Variants in DLGAP2 observed in about 807,000 individuals in gnomAD.
The protein encoded by DLGAP2 is DLG associated protein 2.
In DLGAP2, 26 loss-of-function variants were observed where a neutral mutation model predicts 100.3. The observed-to-expected ratio is 0.26, with a 90% CI of 0.19 to 0.36. DLGAP2 has a LOEUF of 0.36. Ranked by LOEUF, DLGAP2 falls within the 10% of genes least tolerant of loss-of-function variation. The pLI is 1.00. For synonymous variants in DLGAP2, 886 were observed against 630.1 expected (o/e 1.41, Z -6.08); for missense variants, 1,858 against 1,453.2 (o/e 1.28, Z -4.53).
At chr8:1,477,017 A>G (rs1798952290) in intron 3 of DLGAP2, among the ~76,000 whole-genome samples, 1 of 148,514 alleles carries the variant, frequency 6.7e-6, no homozygotes, top group Non-Finnish European at 1.5e-5. Flanking sequence ...ACACCTGTGA[A>G]GACAGGTTTA....
chr8:1,185,321 A>T (rs139054859), intron 2 of DLGAP2, among the ~76,000 whole-genome samples: 30 of 152,140 alleles, frequency 2.0e-4, no homozygotes, highest in Non-Finnish European at 3.4e-4. Flanking sequence ...GGGCTGAGTG[A>T]CACCATCATT....
At chr8:1,563,039 G>A (rs376826193) in intron 5 of DLGAP2, among the ~76,000 whole-genome samples, 29 of 42,546 alleles carry the variant, frequency 6.8e-4, no homozygotes, top group African/African-American at 2.9e-3. Context: ...TGGGGTGTCC[G>A]CGCCTCGTTA....
intron 2 of DLGAP2, among the ~76,000 whole-genome samples, chr8:1,076,737 G>A (rs1803624793): frequency 6.6e-6 from 1 of 152,188 alleles, no homozygotes; most frequent in African/African-American, 2.4e-5. Context: ...ATAACACAGG[G>A]CCTCACACCA....
intron 1 of DLGAP2, among the ~76,000 whole-genome samples, chr8:852,768 C>G (rs1353321351): frequency 6.6e-6 from 1 of 152,184 alleles, no homozygotes; most frequent in African/African-American, 2.4e-5. Flanking sequence ...GCGAGTGTTT[C>G]CTTGGGAAAT....
chr8:933,086 T>A (rs778875249), intron 2 of DLGAP2, among the ~76,000 whole-genome samples: 12 of 152,240 alleles, frequency 7.9e-5, no homozygotes, highest in Non-Finnish European at 1.6e-4. Context: ...TCCGATCCTG[T>A]CCCCGTCCGT....
chr8:985,380 T>C (rs1279118152), intron 2 of DLGAP2, among the ~76,000 whole-genome samples: 2 of 152,222 alleles, frequency 1.3e-5, no homozygotes, highest in Admixed American at 6.5e-5. Flanking sequence ...TCCTCAGAAC[T>C]GTGATTTCCA....
rs1309339117 is a variant in DLGAP2 at position 1,704,163 on chromosome 8, A to G, written c.*2757A>G. The G allele has an allele frequency of 2.6e-5, 4 of 152,650 alleles. 1 individual carries two copies. Among genetic ancestry groups the G allele is most frequent in the East Asian group, 1.9e-4 (1 of 5,198 alleles). 9.5% of individuals were successfully genotyped at this position (152,650 alleles called of 1,614,324 possible). On this transcript the variant is annotated 3_prime_UTR_variant, in exon 15 of 15. Coordinates refer to ENST00000637795, the MANE Select transcript of DLGAP2 (RefSeq NM_001346810.2). ...TCAGCCACTTCTAGCAGATCATGCC[A>G]TGGAGCTCACGACGTGTGACCATTT... is the stretch of plus-strand genomic sequence containing the variant.
intron 3 of DLGAP2, among the ~76,000 whole-genome samples, chr8:1,473,993 A>G (rs932595786): frequency 1.3e-5 from 2 of 152,188 alleles, no homozygotes; most frequent in African/African-American, 4.8e-5. Flanking sequence ...AGACTAATAC[A>G]TGAGCAGTGT....
chr8:859,257 G>A (rs1005104102), intron 1 of DLGAP2, among the ~76,000 whole-genome samples: 19 of 152,132 alleles, frequency 1.2e-4, no homozygotes, highest in Admixed American at 6.5e-4. Context: ...GATCACAGGC[G>A]CACGCCACGA....
At chr8:1,089,116 ACT>A (rs1187214611) in intron 2 of DLGAP2, among the ~76,000 whole-genome samples, 1 of 117,142 alleles carries the variant, frequency 8.5e-6, no homozygotes, top group African/African-American at 3.5e-5. Flanking sequence ...CCCCGGCCTC[ACT>A]CTCTCCACCC....
At chr8:1,304,411 A>G (rs1265375096) in intron 3 of DLGAP2, among the ~76,000 whole-genome samples, 1 of 152,240 alleles carries the variant, frequency 6.6e-6, no homozygotes, top group African/African-American at 2.4e-5. Flanking sequence ...GTATGCAGAA[A>G]GTTGTACATG....
intron 3 of DLGAP2, among the ~76,000 whole-genome samples, chr8:1,318,084 AGC>A (rs1220454619): frequency 5.1e-5 from 3 of 58,796 alleles, no homozygotes; most frequent in Non-Finnish European, 9.7e-5. Flanking sequence ...TTAAAAATAG[AGC>A]GTGTGCGAGT....
At chr8:1,352,069 G>A (rs1452596771) in intron 3 of DLGAP2, among the ~76,000 whole-genome samples, 2 of 79,608 alleles carry the variant, frequency 2.5e-5, no homozygotes, top group African/African-American at 3.9e-5. Context: ...TGGAACGGCC[G>A]TGCGGGTCCT....
intron 2 of DLGAP2, among the ~76,000 whole-genome samples, chr8:941,934 G>A (rs944291076): frequency 1.3e-4 from 20 of 152,184 alleles, no homozygotes; most frequent in African/African-American, 4.6e-4. Context: ...GGAGGTTTTG[G>A]CTGGGAAGCG....
chr8:1,335,375 C>A (rs1270961362), intron 3 of DLGAP2, among the ~76,000 whole-genome samples: 1 of 152,180 alleles, frequency 6.6e-6, no homozygotes, highest in Non-Finnish European at 1.5e-5. Context: ...CACTCTAAGA[C>A]AGTCCTGTTC....
At chr8:1,641,776 G>C (rs1220264691) in intron 8 of DLGAP2, among the ~76,000 whole-genome samples, 1 of 152,234 alleles carries the variant, frequency 6.6e-6, no homozygotes, top group East Asian at 1.9e-4. Context: ...ATAAATAATT[G>C]ATGCTTGCAT....
intron 3 of DLGAP2, among the ~76,000 whole-genome samples, chr8:1,316,868 G>A (rs534347059): frequency 5.6e-5 from 8 of 141,776 alleles, no homozygotes; most frequent in South Asian, 2.3e-4. Flanking sequence ...GTCTACACTC[G>A]AGAAACTCGG....
chr8:1,443,112 T>C (rs996978709), intron 3 of DLGAP2, among the ~76,000 whole-genome samples: 1 of 152,172 alleles, frequency 6.6e-6, no homozygotes, highest in Non-Finnish European at 1.5e-5. Flanking sequence ...AAGTATGTAG[T>C]TAAAAAAACA....
intron 1 of DLGAP2, among the ~76,000 whole-genome samples, chr8:754,797 G>C (rs761419260): frequency 6.6e-6 from 1 of 152,126 alleles, no homozygotes; most frequent in Non-Finnish European, 1.5e-5. Flanking sequence ...AGCCACACAC[G>C]CCACTGCACT....
Sources: gnomAD v4.1 joint callset for allele counts (sites outside exome capture counted in the v4.1 genomes callset) on GRCh38, gnomAD v4.1.1 for gene constraint, MANE v1.5 for transcripts, NCBI Gene and HGNC (gene_info 2026-07-23, HGNC 2026-07-21) for gene names.